The following TRAK2 variants were observed in gnomAD, a reference collection of about 807,000 sequenced individuals.
The protein encoded by TRAK2 is trafficking kinesin-binding protein 2.
A neutral mutation model predicts 104.6 loss-of-function variants in TRAK2; 81 were observed. The observed-to-expected ratio is 0.77, with a 90% CI of 0.65 to 0.93. The LOEUF is 0.93. TRAK2 is among the 40% of genes least tolerant of loss of function. The pLI, the probability that TRAK2 is intolerant of heterozygous loss-of-function variation, is 0.00. For missense variants in TRAK2, 1,002 were observed against 1,089.0 expected (o/e 0.92, Z 1.12); for synonymous variants, 406 against 394.4 (o/e 1.03, Z -0.35).
intron 15 of TRAK2, among the ~76,000 whole-genome samples, chr2:201,383,393 G>C (rs1046920405): frequency 6.6e-6 from 1 of 152,202 alleles, no homozygotes; most frequent in African/African-American, 2.4e-5. Flanking sequence ...GGGCCTTTGA[G>C]TCATGCAGTA....
At chr2:201,441,783 C>A (rs1200445724) in intron 1 of TRAK2, among the ~76,000 whole-genome samples, 1 of 151,510 alleles carries the variant, frequency 6.6e-6, no homozygotes, top group East Asian at 2.0e-4. Context: ...CCTCCGTCTC[C>A]CGGGTTTAAG....
chr2:201,395,082 A>G, intron 8 of TRAK2: 1 of 608,972 alleles, frequency 1.6e-6, no homozygotes, highest in East Asian at 2.8e-5. Context: ...AATAATTTAC[A>G]CCACTTTCTG....
chr2:201,429,210 T>C (rs951709466), intron 1 of TRAK2, among the ~76,000 whole-genome samples: 6 of 152,228 alleles, frequency 3.9e-5, no homozygotes, highest in South Asian at 2.1e-4. Context: ...CTATGTTGAA[T>C]AGGAGTGGTG....
At position 201,420,643 on chromosome 2, in the gene TRAK2, A is replaced by C. The variant is rs549090772; in HGVS notation, c.-136T>G. On this transcript the variant is annotated 5_prime_UTR_variant, in exon 2 of 16. Coordinates refer to ENST00000332624, the MANE Select transcript of TRAK2 (RefSeq NM_015049.3). ...TCTTTTAGACAGATTTTCTCTGATG[A>C]GTCAAATGACATCCGTAGCAACGAG... 1.9e-4 allele frequency: 129 copies of C among 688,002 alleles called. No individual in the cohort carries two copies. The highest frequency in any genetic ancestry group is 2.8e-4 in the Non-Finnish European group (111 of 398,264). 42.6% of individuals were successfully genotyped at this position (688,002 alleles called of 1,614,324 possible).
intron 3 of TRAK2, among the ~76,000 whole-genome samples, chr2:201,405,679 A>G (rs750371452): frequency 6.6e-6 from 1 of 152,220 alleles, no homozygotes; most frequent in East Asian, 1.9e-4. Context: ...ATGAAATTTC[A>G]GTTTGAAAGT....
intron 1 of TRAK2, among the ~76,000 whole-genome samples, chr2:201,448,450 TTATTA>T (rs1255860128): frequency 1.3e-5 from 2 of 152,254 alleles, no homozygotes; most frequent in Non-Finnish European, 2.9e-5. Flanking sequence ...ATGTTTCCTA[TTATTA>T]TAAGAACACT....
Position 201,429,028 on chromosome 2 carries a change from G to A in TRAK2, c.-199-8322C>T, listed in dbSNP as rs572637409. ...TTTGCACATTGATTTTGTATCCTGA[G>A]ACTTTGCTGAAGTTGCTTACAGCTT... On this transcript the variant is annotated intron_variant, in intron 1 of 15. Transcript: ENST00000332624. Among the ~76,000 whole-genome samples the A allele has an allele frequency of 3.3e-3, 509 of 152,320 alleles. 3 individuals carry two copies. Among genetic ancestry groups the A allele is most frequent in the African/African-American group, 0.012 (499 of 41,572 alleles).
At chr2:201,435,493 C>T (rs1445318822) in intron 1 of TRAK2, among the ~76,000 whole-genome samples, 1 of 152,246 alleles carries the variant, frequency 6.6e-6, no homozygotes, top group Admixed American at 6.5e-5. Flanking sequence ...ATATTCACAT[C>T]TAACACTGCA....
chr2:201,449,678 T>A (rs1416917013), intron 1 of TRAK2, among the ~76,000 whole-genome samples: 6 of 150,460 alleles, frequency 4.0e-5, no homozygotes, highest in African/African-American at 1.5e-4. Context: ...AGATGGAGTC[T>A]CGCTGTTGCC....
chr2:201,402,911 A>G (rs994414167), intron 3 of TRAK2, among the ~76,000 whole-genome samples: 3 of 152,200 alleles, frequency 2.0e-5, no homozygotes, highest in Non-Finnish European at 4.4e-5. Flanking sequence ...GCCAGGAATT[A>G]AAACCACCAA....
At chr2:201,410,707 G>T in intron 2 of TRAK2, 1 of 1,402,442 alleles carries the variant, frequency 7.1e-7, no homozygotes, top group Non-Finnish European at 1.0e-6. Flanking sequence ...ACTGCCCGTA[G>T]CTGGAGAAAC....
At position 201,380,754 on chromosome 2, in the gene TRAK2, C is replaced by T. The variant is rs1951334278; in HGVS notation, c.2534G>A (p.Arg845Lys). The change falls in exon 16 of 16, where the codon AGA becomes AAA. Residue 845 changes from arginine to lysine, a missense_variant. Arg to Lys is a conservative substitution (Grantham distance 26). Coordinates refer to ENST00000332624, the MANE Select transcript of TRAK2 (RefSeq NM_015049.3). ...VDRLKRLGIA[R>K]VVKNPGAQEN... is the part of the protein sequence containing the mutation. The stretch of plus-strand genomic sequence containing the variant: ...TTGGGCACCAGGGTTCTTGACCACT[C>T]TGGCTATCCCCAGTCTCTTCAGCCT... The T allele has an allele frequency of 3.7e-6, 6 of 1,614,140 alleles. No homozygotes were observed. The East Asian group carries it at 8.9e-5, about 24-fold the overall frequency.
At chr2:201,430,143 A>C (rs1358326150) in intron 1 of TRAK2, among the ~76,000 whole-genome samples, 1 of 152,326 alleles carries the variant, frequency 6.6e-6, no homozygotes, top group African/African-American at 2.4e-5. Flanking sequence ...GCAGAACAGC[A>C]AATATTGCAG....
chr2:201,435,232 T>C (rs1320524003), intron 1 of TRAK2, among the ~76,000 whole-genome samples: 2 of 152,178 alleles, frequency 1.3e-5, no homozygotes, highest in Non-Finnish European at 2.9e-5. Context: ...AATTTTTGTA[T>C]GTCTTTGTAG....
chr2:201,425,250 T>A (rs1217256533), intron 1 of TRAK2, among the ~76,000 whole-genome samples: 1 of 152,220 alleles, frequency 6.6e-6, no homozygotes, highest in Non-Finnish European at 1.5e-5. Flanking sequence ...TTTCCTAGAT[T>A]AACTTCTTAA....
chr2:201,396,022 A>G (rs1951498041), intron 7 of TRAK2, among the ~76,000 whole-genome samples: 1 of 152,202 alleles, frequency 6.6e-6, no homozygotes, highest in Non-Finnish European at 1.5e-5. Context: ...AGCAATTGTT[A>G]TAGCCTGGCC....
At position 201,387,760 on chromosome 2, in the gene TRAK2, C is replaced by A. The variant is rs1220221025; in HGVS notation, c.1639G>T (p.Ala547Ser). 1.2e-6 allele frequency: 2 copies of A among 1,613,060 alleles called. No individual in the cohort carries two copies. The highest frequency in any genetic ancestry group is 1.7e-5 in the Admixed American group (1 of 59,758). ...TQSEITDLSS[A>S]SCLRGFMPEK... ...GGCATAAAACCTCGAAGGCAACTGGCACTGCTGAGGTCTGTGATCTCTGAC... is the reference window on the plus strand; with the variant it reads ...GGCATAAAACCTCGAAGGCAACTGGAACTGCTGAGGTCTGTGATCTCTGAC... Residue 547 changes from alanine to serine, a missense_variant, in exon 13 of 16, where the codon GCC becomes TCC. Physicochemically the swap from Ala to Ser is moderately conservative, Grantham distance 99 (BLOSUM62 1). Transcript: ENST00000332624.
intron 2 of TRAK2, among the ~76,000 whole-genome samples, chr2:201,409,001 A>AG (rs1166874737): frequency 6.6e-6 from 1 of 152,136 alleles, no homozygotes; most frequent in East Asian, 1.9e-4. Context: ...CGGAAAGGGG[A>AG]GGGGAAAAAG....
At chr2:201,402,014 T>C (rs1417470631) in intron 3 of TRAK2, among the ~76,000 whole-genome samples, 1 of 152,088 alleles carries the variant, frequency 6.6e-6, no homozygotes, top group Non-Finnish European at 1.5e-5. Flanking sequence ...TCATAAATTT[T>C]AGTGAGCTGG....
Sources: allele counts gnomAD v4.1 joint callset (sites outside exome capture counted in the v4.1 genomes callset), GRCh38; gene constraint gnomAD v4.1.1; transcripts MANE v1.5; gene names NCBI Gene and HGNC (gene_info 2026-07-23, HGNC 2026-07-21).